Variants in CPEB3 observed in about 807,000 individuals in gnomAD.
CPEB3 encodes cytoplasmic polyadenylation element binding protein 3, also known as cytoplasmic polyadenylation element-binding protein 3.
A neutral mutation model predicts 67.2 loss-of-function variants in CPEB3; 20 were observed. The ratio of observed to expected loss-of-function variants is 0.30; its 90% CI spans 0.21 to 0.43. The LOEUF (loss-of-function observed/expected upper bound fraction) is 0.43, where lower values mean the gene tolerates loss of function less well. CPEB3 is among the 20% of genes least tolerant of loss of function. CPEB3 has a pLI of 1.00. For synonymous variants in CPEB3, 376 were observed against 393.1 expected, an observed-to-expected ratio of 0.96 and a Z score of 0.51; for missense variants, 746 against 968.6, an observed-to-expected ratio of 0.77 and a Z score of 3.05.
At chr10:92,120,945 C>T (rs536519522) in intron 6 of CPEB3, among the ~76,000 whole-genome samples, 72 of 152,246 alleles carry the variant, frequency 4.7e-4, no homozygotes, top group Middle Eastern at 3.4e-3. Flanking sequence ...AGGTGATCCA[C>T]CCACCTCAGC....
At chr10:92,077,904 G>A (rs1447939440) in intron 9 of CPEB3, among the ~76,000 whole-genome samples, 1 of 152,064 alleles carries the variant, frequency 6.6e-6, no homozygotes, top group Non-Finnish European at 1.5e-5. Context: ...GGGAAAAAGG[G>A]AGAGTAGGGA....
chr10:92,228,587 C>T (rs115968802), intron 2 of CPEB3, among the ~76,000 whole-genome samples: 2,027 of 152,090 alleles, frequency 0.013, 50 homozygotes, highest in African/African-American at 0.047. Context: ...AAAACCCTAC[C>T]GCATCTTTAA....
intron 4 of CPEB3, among the ~76,000 whole-genome samples, chr10:92,148,865 T>C (rs2133869495): frequency 6.6e-6 from 1 of 152,140 alleles, no homozygotes; most frequent in African/African-American, 2.4e-5. Context: ...AAAATTATTT[T>C]CCCATTTTTT....
chr10:92,135,538 T>C lies in CPEB3; in HGVS notation c.1453+7491A>G, dbSNP rs192084117. On this transcript the variant is annotated intron_variant, in intron 6 of 9. Transcript: ENST00000265997. Reference sequence around the variant, plus strand: ...AGATGCTGGAGAGGATGTGGAGAAATAGGAATGCTTTTATACTGTTAGTGG... The same window carrying C: ...AGATGCTGGAGAGGATGTGGAGAAACAGGAATGCTTTTATACTGTTAGTGG... 8.5e-5 allele frequency among the ~76,000 whole-genome samples: 13 copies of C among 152,222 alleles called. No homozygotes were observed. The East Asian group carries it at 1.4e-3, about 16-fold the overall frequency.
intron 8 of CPEB3, among the ~76,000 whole-genome samples, chr10:92,088,257 T>C (rs1284587268): frequency 1.3e-5 from 2 of 148,750 alleles, no homozygotes; most frequent in Non-Finnish European, 3.0e-5. Context: ...AGATAAGGTC[T>C]TACTGTCACC....
intron 1 of CPEB3, among the ~76,000 whole-genome samples, chr10:92,264,144 C>T (rs1852934335): frequency 6.6e-6 from 1 of 152,020 alleles, no homozygotes; most frequent in Non-Finnish European, 1.5e-5. Context: ...GCCTGGACAA[C>T]ATGGTAAAAC....
chr10:92,067,456 C>A (rs1031857317), intron 9 of CPEB3, among the ~76,000 whole-genome samples: 1 of 151,710 alleles, frequency 6.6e-6, no homozygotes, highest in Non-Finnish European at 1.5e-5. Flanking sequence ...GCCAAGATAG[C>A]ACCACTGCAC....
intron 9 of CPEB3, among the ~76,000 whole-genome samples, chr10:92,079,131 G>T (rs577748259): frequency 6.6e-6 from 1 of 152,138 alleles, no homozygotes; most frequent in Admixed American, 6.5e-5. Flanking sequence ...GCCTAGGTTC[G>T]CCAGTGATGG....
intron 8 of CPEB3, among the ~76,000 whole-genome samples, chr10:92,087,108 G>C (rs1402019860): frequency 6.6e-6 from 1 of 152,094 alleles, no homozygotes; most frequent in Non-Finnish European, 1.5e-5. Flanking sequence ...CACAAATCAG[G>C]ACATGGTTTC....
intron 7 of CPEB3, among the ~76,000 whole-genome samples, chr10:92,110,287 A>G (rs949219024): frequency 1.6e-4 from 25 of 152,166 alleles, no homozygotes; most frequent in African/African-American, 5.8e-4. Context: ...ACTCTGTGTC[A>G]TATTTTTACT....
chr10:92,193,773 A>G (rs1173721348), intron 2 of CPEB3, among the ~76,000 whole-genome samples: 5 of 151,598 alleles, frequency 3.3e-5, no homozygotes, highest in African/African-American at 4.8e-5. Context: ...ATGAAAATGT[A>G]TTGGATATCT....
intron 1 of CPEB3, among the ~76,000 whole-genome samples, chr10:92,273,962 C>G (rs1468559963): frequency 6.6e-6 from 1 of 152,174 alleles, no homozygotes; most frequent in Non-Finnish European, 1.5e-5. Context: ...TCCTAGGGTA[C>G]CTATCTATAA....
intron 1 of CPEB3, among the ~76,000 whole-genome samples, chr10:92,241,856 AGAT>A (rs1373224443): frequency 1.3e-5 from 2 of 152,238 alleles, no homozygotes; most frequent in Non-Finnish European, 2.9e-5. Context: ...AATTATTTTT[AGAT>A]GATGATTCAG....
chr10:92,159,962 A>T (rs1293349845), intron 4 of CPEB3, among the ~76,000 whole-genome samples: 30 of 146,220 alleles, frequency 2.1e-4, no homozygotes, highest in African/African-American at 6.6e-4. Context: ...TTTTTTTCTG[A>T]GATGGAGTCT....
intron 4 of CPEB3, among the ~76,000 whole-genome samples, chr10:92,170,916 A>G (rs1310607430): frequency 1.3e-5 from 2 of 152,192 alleles, no homozygotes; most frequent in African/African-American, 4.8e-5. Flanking sequence ...CTACAACTGT[A>G]TATAAAGACT....
intron 4 of CPEB3, among the ~76,000 whole-genome samples, chr10:92,172,874 A>T (rs1253010906): frequency 6.6e-6 from 1 of 152,202 alleles, no homozygotes; most frequent in African/African-American, 2.4e-5. Flanking sequence ...CACTTCGTAA[A>T]CTGCTCATTG....
At chr10:92,140,119 T>C (rs1846329564) in intron 6 of CPEB3, among the ~76,000 whole-genome samples, 2 of 150,116 alleles carry the variant, frequency 1.3e-5, no homozygotes, top group South Asian at 4.2e-4. Flanking sequence ...TTCACAGAAT[T>C]GGAAAAAACT....
intron 1 of CPEB3, among the ~76,000 whole-genome samples, chr10:92,256,819 A>C (rs75791853): frequency 0.016 from 2,367 of 152,272 alleles, 38 homozygotes; most frequent in Non-Finnish European, 0.023. Context: ...AGACACATAT[A>C]TCTCTATTAC....
chr10:92,208,831 A>C (rs569135776), intron 2 of CPEB3, among the ~76,000 whole-genome samples: 1 of 151,928 alleles, frequency 6.6e-6, no homozygotes, highest in African/African-American at 2.4e-5. Context: ...CTGACCCCAA[A>C]TGATTCACCA....
Sources: gnomAD v4.1 joint callset for allele counts (sites outside exome capture counted in the v4.1 genomes callset) on GRCh38, gnomAD v4.1.1 for gene constraint, MANE v1.5 for transcripts, NCBI Gene and HGNC (gene_info 2026-07-23, HGNC 2026-07-21) for gene names.